The following EEA1 variants were observed in gnomAD, a reference collection of about 807,000 sequenced individuals.
EEA1 encodes the protein early endosome antigen 1, 162kD.
A neutral mutation model predicts 209.2 loss-of-function variants in EEA1; 111 were observed. The observed-to-expected ratio is 0.53, with a 90% CI of 0.45 to 0.62. The LOEUF is 0.62. EEA1 is among the 20% of genes least tolerant of loss of function. EEA1 has a pLI of 0.00. For synonymous variants in EEA1, 536 were observed against 540.6 expected (o/e 0.99, Z 0.12); for missense variants, 1,343 against 1,530.8 (o/e 0.88, Z 2.05).
intron 1 of EEA1, among the ~76,000 whole-genome samples, chr12:92,916,156 T>C (rs1403562429): frequency 1.3e-5 from 2 of 152,344 alleles, no homozygotes; most frequent in East Asian, 1.9e-4. Context: ...GTTTAAAGTA[T>C]AGGGTGTTTT....
Position 92,860,600 on chromosome 12 carries a change from T to C in EEA1, c.246-3115A>G, listed in dbSNP as rs138093639. 4.6e-5 allele frequency among the ~76,000 whole-genome samples: 7 copies of C among 152,260 alleles called. No individual in the cohort carries two copies. In the East Asian group the frequency reaches 9.7e-4, roughly 21 times the overall value. On this transcript the variant is annotated intron_variant, in intron 3 of 28. Coordinates refer to ENST00000322349, the MANE Select transcript of EEA1 (RefSeq NM_003566.4). ...TCCTTTAACATGTTTCCAGCATTCC[T>C]AGGTAGGCCAAGGTGTCCTACAGAA...
chr12:92,862,597 G>GA (rs1201497322), intron 3 of EEA1, among the ~76,000 whole-genome samples: 4 of 151,134 alleles, frequency 2.6e-5, no homozygotes, highest in Non-Finnish European at 4.4e-5. Context: ...AAAAAAAAAA[G>GA]AAAAAAGAAT....
rs1876714573 is a variant in EEA1 at position 92,832,711 on chromosome 12, C to T, written c.1055G>A (p.Arg352Lys). Residue 352 changes from arginine (R) to lysine (K), a missense_variant, in exon 11 of 29, where the codon AGA (arginine) becomes AAA (lysine). Physicochemically the swap from Arg to Lys is conservative, Grantham distance 26 (BLOSUM62 2). This residue lies in a region of EEA1 where 1,307 missense variants were observed against 1,465.5 expected (regional missense o/e 0.89). Coordinates refer to ENST00000322349, the MANE Select transcript of EEA1 (RefSeq NM_003566.4). ...KDLDCQQLQSRLSASETSLHR... is the reference protein window; with the variant it reads ...KDLDCQQLQSKLSASETSLHR... ...CAGTGAGGTTTCAGATGCAGACAATCTTGACTGAAGCTGTTGACAATCTAG... is the reference window on the plus strand; with the variant it reads ...CAGTGAGGTTTCAGATGCAGACAATTTTGACTGAAGCTGTTGACAATCTAG... 6.2e-7 allele frequency: 1 copy of T among 1,613,998 alleles called. No homozygotes were observed. Among genetic ancestry groups the T allele is most frequent in the Non-Finnish European group, 8.5e-7 (1 of 1,179,960 alleles).
chr12:92,921,888 A>G (rs1386217669), intron 1 of EEA1, among the ~76,000 whole-genome samples: 2 of 138,664 alleles, frequency 1.4e-5, no homozygotes, highest in Non-Finnish European at 3.1e-5. Context: ...AAAAAAAAAG[A>G]AAAAAAGAAA....
At chr12:92,793,809 A>T (rs924242230) in intron 21 of EEA1, among the ~76,000 whole-genome samples, 11 of 152,202 alleles carry the variant, frequency 7.2e-5, no homozygotes, top group Admixed American at 2.6e-4. Context: ...ACCAAAAAAG[A>T]GCCTGCATTG....
chr12:92,804,388 C>T (rs1248702377), intron 18 of EEA1, among the ~76,000 whole-genome samples: 1 of 151,852 alleles, frequency 6.6e-6, no homozygotes, highest in Non-Finnish European at 1.5e-5. Context: ...CTGGCTAACA[C>T]AGTGAAACCC....
intron 21 of EEA1, among the ~76,000 whole-genome samples, chr12:92,788,787 C>T (rs1399427819): frequency 6.6e-6 from 1 of 152,116 alleles, no homozygotes; most frequent in African/African-American, 2.4e-5. Context: ...TCAAGTTGTA[C>T]CTGATATAGT....
intron 3 of EEA1, among the ~76,000 whole-genome samples, chr12:92,859,799 G>A (rs1453916799): frequency 2.0e-4 from 30 of 152,200 alleles, no homozygotes; most frequent in Admixed American, 6.5e-4. Context: ...CAATGCCACA[G>A]CCCTGTCAGC....
chr12:92,880,722 G>T (rs1378669654), intron 2 of EEA1, among the ~76,000 whole-genome samples: 1 of 152,054 alleles, frequency 6.6e-6, no homozygotes, highest in Admixed American at 6.6e-5. Context: ...TGATCAGCCC[G>T]CCTCGGCCTC....
At chr12:92,807,860 G>A (rs1357694837) in intron 18 of EEA1, among the ~76,000 whole-genome samples, 1 of 152,010 alleles carries the variant, frequency 6.6e-6, no homozygotes, top group Non-Finnish European at 1.5e-5. Flanking sequence ...TTGATTTATA[G>A]TTTCAAGGGA....
intron 3 of EEA1, among the ~76,000 whole-genome samples, chr12:92,861,039 G>A (rs1482889364): frequency 6.6e-6 from 1 of 152,148 alleles, no homozygotes; most frequent in African/African-American, 2.4e-5. Flanking sequence ...GCTCTTTCCT[G>A]TCTCAGAAGC....
chr12:92,788,690 T>G (rs1160846025), intron 21 of EEA1, among the ~76,000 whole-genome samples: 1 of 152,174 alleles, frequency 6.6e-6, no homozygotes, highest in Admixed American at 6.6e-5. Context: ...ATATACTACC[T>G]TCAATAAAAT....
rs554002569 is a variant in EEA1, at chr12:92,775,657, GAAGT to G, written c.*350_*353del. 6.0e-4 allele frequency: 98 copies of G among 164,568 alleles called. 1 individual carries two copies. The South Asian group carries it at 0.013, about 21-fold the overall frequency. The allele number at this position is 164,568 out of a possible 1,614,324, so 10.2% of individuals were successfully genotyped here. A position where few individuals can be genotyped will look rare whatever the true frequency, so the allele number is the denominator to read the frequency against. On this transcript the variant is annotated 3_prime_UTR_variant, in exon 29 of 29. Transcript: ENST00000322349. Reference sequence around the variant, plus strand: ...TTTTGTACATTAAATTTAGGAGAAAGAAGTAAGCTATGGAATTGCATTCTTCATT... The same window carrying G: ...TTTTGTACATTAAATTTAGGAGAAAGAAGCTATGGAATTGCATTCTTCATT...
Position 92,798,924 on chromosome 12 carries a change from G to C in EEA1, c.2935C>G (p.Gln979Glu). 1 of 1,609,568 alleles carries C rather than the reference G, an allele frequency of 6.2e-7. No homozygotes were observed. ...AAAACAGCAATTTTAAGCTCTCCTT[G>C]GAGTGCTTCAATTTGTTTTTTCTTC... ...EQKKKQIEAL[Q>E]GELKIAVLQK... Residue 979 changes from glutamine to glutamate, a missense_variant, in exon 21 of 29, where the codon CAA (glutamine) becomes GAA (glutamate). Physicochemically the swap from Gln to Glu is conservative, Grantham distance 29 (BLOSUM62 2). Transcript: ENST00000322349.
At chr12:92,837,303 C>T (rs755038069) in intron 10 of EEA1, among the ~76,000 whole-genome samples, 9 of 152,142 alleles carry the variant, frequency 5.9e-5, no homozygotes, top group African/African-American at 9.7e-5. Flanking sequence ...CTTAGTGTCA[C>T]AGCCAGTAAG....
At chr12:92,858,700 T>C (rs1462476031) in intron 3 of EEA1, 7 of 738,310 alleles carry the variant, frequency 9.5e-6, no homozygotes, top group South Asian at 1.4e-5. Context: ...AATTGTTATA[T>C]CTGTTTGGCA....
At chr12:92,806,872 T>G (rs1370202749) in intron 18 of EEA1, among the ~76,000 whole-genome samples, 1 of 151,916 alleles carries the variant, frequency 6.6e-6, no homozygotes, top group African/African-American at 2.4e-5. Context: ...ATCCATATGA[T>G]CACATCAACA....
chr12:92,883,661 C>A (rs1879257336), intron 2 of EEA1: 1 of 625,956 alleles, frequency 1.6e-6, no homozygotes, highest in Non-Finnish European at 2.8e-6. Flanking sequence ...ATTTTCTTTT[C>A]TCTATCTTAC....
intron 14 of EEA1, 117 bp downstream of exon 14, chr12:92,819,191 T>A (rs1041665058): frequency 4.3e-5 from 40 of 927,986 alleles, no homozygotes; most frequent in Non-Finnish European, 6.1e-5. Context: ...AAAAAATATA[T>A]AACACTTAAA....
Sources: allele counts gnomAD v4.1 joint callset (sites outside exome capture counted in the v4.1 genomes callset), GRCh38; gene constraint gnomAD v4.1.1; regional missense constraint gnomAD v4.1.1; transcripts MANE v1.5; gene names NCBI Gene and HGNC (gene_info 2026-07-23, HGNC 2026-07-21).